PCDHA11: variants seen among roughly 807,000 people sequenced by gnomAD.
PCDHA11 encodes protocadherin alpha 11.
A neutral mutation model predicts 70.3 loss-of-function variants in PCDHA11; 61 were observed. The observed-to-expected ratio is 0.87, with a 90% CI of 0.71 to 1.07. The LOEUF (loss-of-function observed/expected upper bound fraction) is 1.07. Among genes scored for constraint, PCDHA11 ranks in the 50% least tolerant of loss-of-function variants. The pLI is 0.00. For missense variants in PCDHA11, 1,324 were observed against 1,237.5 expected, an observed-to-expected ratio of 1.07 and a Z score of -1.05; for synonymous variants, 633 against 555.1, an observed-to-expected ratio of 1.14 and a Z score of -1.97.
chr5:140,900,693 T>A (rs1223398418), intron 1 of PCDHA11, among the ~76,000 whole-genome samples: 1 of 152,242 alleles, frequency 6.6e-6, no homozygotes, highest in African/African-American at 2.4e-5. Flanking sequence ...TATACTGATT[T>A]CCGTTCTTTT....
rs2098420299 is a variant in PCDHA11 at position 141,011,351 on chromosome 5, A to G, written c.*1414A>G. The G allele has an allele frequency of 1.3e-5, 2 of 153,694 alleles. No homozygotes were observed. Among genetic ancestry groups the G allele is most frequent in the African/African-American group, 2.4e-5 (1 of 41,410 alleles). 9.5% of individuals were successfully genotyped at this position (153,694 alleles called of 1,614,324 possible). A position where few individuals can be genotyped will look rare whatever the true frequency, so the allele number is the denominator to read the frequency against. On this transcript the variant is annotated 3_prime_UTR_variant, in exon 4 of 4. Transcript: ENST00000398640. ...TGATGTTACCTGAAATCAATCTCCC[A>G]TATGTATGCTGTATGCTATGCTAAG...
intron 1 of PCDHA11, among the ~76,000 whole-genome samples, chr5:140,872,173 T>C (rs2053523271): frequency 6.6e-6 from 1 of 152,224 alleles, no homozygotes; most frequent in Non-Finnish European, 1.5e-5. Flanking sequence ...TTCTTTTTTT[T>C]TTTTACAGTG....
Position 141,005,701 on chromosome 5 carries a change from C to CAAA in PCDHA11, c.2540-3898_2540-3896dup, listed in dbSNP as rs59860837. ...TGGGCGACAGAGCGAAACTCCGTCTCAAAAAAAAAAAAAAAAAAAAAAAAA... is the reference window on the plus strand; with the variant it reads ...TGGGCGACAGAGCGAAACTCCGTCTCAAAAAAAAAAAAAAAAAAAAAAAAAAAA... On this transcript the variant is annotated intron_variant, in intron 3 of 3. Transcript: ENST00000398640. Among the ~76,000 whole-genome samples the CAAA allele has an allele frequency of 9.1e-3, 71 of 7,774 alleles. 6 individuals are homozygous for CAAA. Among genetic ancestry groups the CAAA allele is most frequent in the Non-Finnish European group, 0.012 (43 of 3,684 alleles). 5.1% of individuals were successfully genotyped at this position (7,774 alleles called of 152,430 possible).
At chr5:140,967,141 G>T in intron 1 of PCDHA11, 2 of 1,611,258 alleles carry the variant, frequency 1.2e-6, no homozygotes, top group South Asian at 1.1e-5. Flanking sequence ...AAGTGCTGGC[G>T]CACAACCCCG....
At chr5:140,882,940 C>T (rs1554176179) in intron 1 of PCDHA11, 2 of 1,614,208 alleles carry the variant, frequency 1.2e-6, no homozygotes, top group Admixed American at 3.3e-5. Flanking sequence ...AGCTGACTGG[C>T]ACAGTTCAGC....
intron 1 of PCDHA11, 125 bp downstream of exon 1, chr5:140,871,619 A>C: frequency 7.1e-7 from 1 of 1,415,536 alleles, no homozygotes; most frequent in Non-Finnish European, 9.4e-7. Context: ...ATTGTTTTAG[A>C]TAACAATGTC....
At chr5:140,918,846 C>T (rs1261805257) in intron 1 of PCDHA11, among the ~76,000 whole-genome samples, 1 of 152,140 alleles carries the variant, frequency 6.6e-6, no homozygotes, top group African/African-American at 2.4e-5. Flanking sequence ...ACTAAATCTG[C>T]TGGTGCCTGA....
chr5:140,872,231 T>A (rs1050025307), intron 1 of PCDHA11, among the ~76,000 whole-genome samples: 2 of 152,228 alleles, frequency 1.3e-5, no homozygotes, highest in Non-Finnish European at 2.9e-5. Context: ...TCTTTACTTT[T>A]GTCTTTATTC....
At position 140,870,606 on chromosome 5, in the gene PCDHA11, C is replaced by T. The variant is rs781958673; in HGVS notation, c.1503C>T (p.Arg501=). The part of the protein sequence containing the change: ...YSLVERRLGD[R]ALSSYVSVHA... The stretch of plus-strand genomic sequence containing the variant: ...TGGTGGAGCGGCGGTTGGGCGACCG[C>T]GCGCTGTCGAGCTACGTGTCGGTGC... Residue 501 remains arginine (R), a synonymous_variant, in exon 1 of 4, where the codon CGC becomes CGT. Transcript: ENST00000398640. The T allele has an allele frequency of 1.5e-5, 24 of 1,613,142 alleles. No individual in the cohort carries two copies. The highest frequency in any genetic ancestry group is 3.4e-6 in the Non-Finnish European group (4 of 1,179,850).
At chr5:141,005,192 TTTCA>T (rs1554259924) in intron 3 of PCDHA11, among the ~76,000 whole-genome samples, 1 of 152,220 alleles carries the variant, frequency 6.6e-6, no homozygotes, top group African/African-American at 2.4e-5. Context: ...ACATCAGTCC[TTTCA>T]TTCATTCATC....
chr5:140,920,927 A>G (rs1350465462), intron 1 of PCDHA11, among the ~76,000 whole-genome samples: 1 of 151,716 alleles, frequency 6.6e-6, no homozygotes, highest in East Asian at 1.9e-4. Context: ...AGAGTAGGTG[A>G]TCTAGCCCTT....
chr5:140,875,498 C>G lies in PCDHA11; in HGVS notation c.2391+4004C>G. 1.9e-6 allele frequency: 3 copies of G among 1,613,292 alleles called. No homozygotes were observed. Among genetic ancestry groups the G allele is most frequent in the Non-Finnish European group, 1.7e-6 (2 of 1,179,476 alleles). ...ATGGTGATTATCGGACCAAGAGGCCCGGGATCCCAGCGTCTGCTGCTCTCG... is the reference window on the plus strand; with the variant it reads ...ATGGTGATTATCGGACCAAGAGGCCGGGGATCCCAGCGTCTGCTGCTCTCG... On this transcript the variant is annotated intron_variant, in intron 1 of 3. Transcript: ENST00000398640.
At chr5:140,966,425 G>A in intron 1 of PCDHA11, 1 of 421,678 alleles carries the variant, frequency 2.4e-6, no homozygotes, top group South Asian at 9.9e-5. Flanking sequence ...GACTTGCTGA[G>A]CCCTCCTACC....
chr5:140,945,614 A>G lies in PCDHA11; in HGVS notation c.2392-33335A>G, dbSNP rs2093816394. Among the ~76,000 whole-genome samples the G allele has an allele frequency of 2.0e-5, 3 of 152,278 alleles. No homozygotes were observed. The South Asian group carries it at 6.2e-4, about 32-fold the overall frequency. ...TCAAAGCTATAATAATCAAAACAGC[A>G]TGGTACTGGCATAAAAGACATGTAG... On this transcript the variant is annotated intron_variant, in intron 1 of 3. Coordinates refer to ENST00000398640, the MANE Select transcript of PCDHA11 (RefSeq NM_018902.5).
chr5:140,875,793 G>A (rs2055816565), intron 1 of PCDHA11: 1 of 1,614,100 alleles, frequency 6.2e-7, no homozygotes, highest in Non-Finnish European at 8.5e-7. Flanking sequence ...TCCACCTGGA[G>A]GTGATCGTGG....
intron 1 of PCDHA11, among the ~76,000 whole-genome samples, chr5:140,944,182 G>T (rs542395513): frequency 1.3e-5 from 2 of 152,052 alleles, no homozygotes; most frequent in South Asian, 2.1e-4. Flanking sequence ...TTTTTTGTTG[G>T]TTTGTTTTGT....
intron 3 of PCDHA11, among the ~76,000 whole-genome samples, chr5:140,988,417 A>G (rs2097297098): frequency 6.6e-6 from 1 of 152,150 alleles, no homozygotes; most frequent in Non-Finnish European, 1.5e-5. Flanking sequence ...GCTTATGTAA[A>G]GAATTTGTTT....
chr5:141,000,387 CTCTCTCTCTATATATA>C (rs1282156924), intron 3 of PCDHA11, among the ~76,000 whole-genome samples: 8 of 66,888 alleles, frequency 1.2e-4, no homozygotes, highest in African/African-American at 4.0e-4. Flanking sequence ...CTCTCTCTCT[CTCTCTCTCTATATATA>C]TATATATATA....
rs782449567 is a variant in PCDHA11, at chr5:140,928,010, G to T, written c.2392-50939G>T. 4.3e-6 allele frequency: 7 copies of T among 1,614,168 alleles called. No individual in the cohort carries two copies. In the South Asian group the frequency reaches 6.6e-5, roughly 15 times the overall value. On this transcript the variant is annotated intron_variant, in intron 1 of 3. Coordinates refer to ENST00000398640, the MANE Select transcript of PCDHA11 (RefSeq NM_018902.5). Reference sequence around the variant, plus strand: ...AAGGATGAAGACCTCGATTCTAATGGTAGGGTCATTTGTGGCATGTCTAGT... The same window carrying T: ...AAGGATGAAGACCTCGATTCTAATGTTAGGGTCATTTGTGGCATGTCTAGT...
Sources: gnomAD v4.1 joint callset for allele counts (sites outside exome capture counted in the v4.1 genomes callset) on GRCh38, gnomAD v4.1.1 for gene constraint, MANE v1.5 for transcripts, NCBI Gene and HGNC (gene_info 2026-07-23, HGNC 2026-07-21) for gene names.